The following PRKN variants were observed in gnomAD, a reference collection of about 807,000 sequenced individuals.
PRKN encodes the protein parkin RBR E3 ubiquitin protein ligase.
Under a neutral mutation model 59.5 loss-of-function variants are expected in PRKN, and 56 were observed. The ratio of observed to expected loss-of-function variants is 0.94; its 90% CI spans 0.76 to 1.18. The LOEUF (loss-of-function observed/expected upper bound fraction) is 1.18, where lower values mean the gene tolerates loss of function less well. Ranked by LOEUF, PRKN falls within the 50% of genes most tolerant of loss-of-function variation. PRKN has a pLI of 0.00. For synonymous variants in PRKN, 250 were observed against 222.1 expected, an observed-to-expected ratio of 1.13 and a Z score of -1.12; for missense variants, 657 against 596.4, an observed-to-expected ratio of 1.10 and a Z score of -1.06.
intron 1 of PRKN, among the ~76,000 whole-genome samples, chr6:162,477,839 T>C (rs1354035352): frequency 6.6e-6 from 1 of 152,130 alleles, no homozygotes; most frequent in Non-Finnish European, 1.5e-5. Flanking sequence ...TTGTGGAAGG[T>C]CCATTCAAAT....
intron 5 of PRKN, 78 bp downstream of exon 5, chr6:162,054,013 G>C (rs1469777041): frequency 1.1e-6 from 1 of 937,464 alleles, no homozygotes; most frequent in Non-Finnish European, 1.8e-6. Flanking sequence ...TTGACATTTT[G>C]TCTCTAATTT....
At chr6:162,160,487 G>A (rs1019697416) in intron 4 of PRKN, among the ~76,000 whole-genome samples, 2 of 152,114 alleles carry the variant, frequency 1.3e-5, no homozygotes, top group African/African-American at 4.8e-5. Flanking sequence ...AGCAGTGATA[G>A]TTTCACAGGT....
intron 9 of PRKN, among the ~76,000 whole-genome samples, chr6:161,540,840 G>A (rs986622702): frequency 6.6e-6 from 1 of 152,108 alleles, no homozygotes; most frequent in Non-Finnish European, 1.5e-5. Context: ...GGCTTACCTG[G>A]TGCCTCCAAC....
At chr6:161,782,447 G>T (rs1790245751) in intron 7 of PRKN, among the ~76,000 whole-genome samples, 1 of 152,078 alleles carries the variant, frequency 6.6e-6, no homozygotes, top group Admixed American at 6.5e-5. Flanking sequence ...GAGAGAAAAG[G>T]AATATTATTT....
chr6:162,687,347 G>A (rs570746025), intron 1 of PRKN, among the ~76,000 whole-genome samples: 14 of 151,818 alleles, frequency 9.2e-5, no homozygotes, highest in Admixed American at 2.6e-4. Context: ...CACCACACCC[G>A]GCTAATTTTT....
chr6:162,363,746 A>G (rs1390746189), intron 2 of PRKN, among the ~76,000 whole-genome samples: 1 of 152,186 alleles, frequency 6.6e-6, no homozygotes, highest in East Asian at 1.9e-4. Flanking sequence ...ATTACAACTC[A>G]CTGGGAGATA....
Position 161,853,685 on chromosome 6 carries a change from G to A in PRKN, c.735-67777C>T, listed in dbSNP as rs183708119. ...AATTCCTTTGGAAATTAAAGTCCTCGTTGCTTTACAAACATCATTTCATTA... is the reference window on the plus strand; with the variant it reads ...AATTCCTTTGGAAATTAAAGTCCTCATTGCTTTACAAACATCATTTCATTA... On this transcript the variant is annotated intron_variant, in intron 6 of 11. Coordinates refer to ENST00000366898, the MANE Select transcript of PRKN (RefSeq NM_004562.3). 7.3e-4 allele frequency among the ~76,000 whole-genome samples: 111 copies of A among 152,180 alleles called. 1 individual carries two copies. Among genetic ancestry groups the A allele is most frequent in the African/African-American group, 2.5e-3 (105 of 41,526 alleles).
rs889201059 is a variant in PRKN, at chr6:161,637,539, T to G, written c.872-68123A>C. ...AACAAAGCCCAGCTTACTGCTCCCTTGGAGGCTGCAGCACGACCTGCCTTT... is the reference window on the plus strand; with the variant it reads ...AACAAAGCCCAGCTTACTGCTCCCTGGGAGGCTGCAGCACGACCTGCCTTT... On this transcript the variant is annotated intron_variant, in intron 7 of 11. Transcript: ENST00000366898. 1.3e-4 allele frequency among the ~76,000 whole-genome samples: 20 copies of G among 152,262 alleles called. 1 individual carries two copies. The highest frequency in any genetic ancestry group is 2.1e-4 in the South Asian group (1 of 4,824).
intron 4 of PRKN, among the ~76,000 whole-genome samples, chr6:162,054,877 T>C (rs1425234019): frequency 1.3e-5 from 2 of 152,082 alleles, no homozygotes; most frequent in African/African-American, 4.8e-5. Flanking sequence ...TTTTAAGAAA[T>C]CGGGCTGTGC....
At chr6:161,654,684 C>T (rs17576062) in intron 7 of PRKN, among the ~76,000 whole-genome samples, 76,755 of 152,092 alleles carry the variant, frequency 0.5, 22,105 homozygotes, top group African/African-American at 0.8. Context: ...GCACCTCCCA[C>T]GTGTGTATCT....
intron 2 of PRKN, among the ~76,000 whole-genome samples, chr6:162,307,941 T>A (rs1007455323): frequency 8.5e-5 from 13 of 152,344 alleles, no homozygotes; most frequent in African/African-American, 2.9e-4. Context: ...TCAAGATGTT[T>A]TGAAATATTT....
intron 7 of PRKN, among the ~76,000 whole-genome samples, chr6:161,705,802 C>T (rs1374472471): frequency 6.6e-6 from 1 of 152,162 alleles, no homozygotes; most frequent in Non-Finnish European, 1.5e-5. Context: ...TGTCCATTCT[C>T]ATTCTCTGCA....
Position 161,462,301 on chromosome 6 carries a change from C to T in PRKN, c.1084-75424G>A, listed in dbSNP as rs985304965. On this transcript the variant is annotated intron_variant, in intron 9 of 11. Coordinates refer to ENST00000366898, the MANE Select transcript of PRKN (RefSeq NM_004562.3). The surrounding 1 kb of genome is among the most constrained non-coding windows in gnomAD (Gnocchi z 4.5). ...GACAGCATGCTTTTATTCTGAATCA[C>T]CTGAACTTCCAGCTATCTGTGGTTT... 3.3e-5 allele frequency among the ~76,000 whole-genome samples: 5 copies of T among 152,182 alleles called. No homozygotes were observed. The highest frequency in any genetic ancestry group is 9.7e-5 in the African/African-American group (4 of 41,446).
At chr6:161,946,414 A>ACACACACTCTCTCTCTCTCTCTCTCT (rs1247187053) in intron 6 of PRKN, among the ~76,000 whole-genome samples, 1 of 114,376 alleles carries the variant, frequency 8.7e-6, no homozygotes, top group African/African-American at 3.7e-5. Context: ...ACACACACAC[A>ACACACACTCTCTCTCTCTCTCTCTCT]CTCTCTCTCT....
intron 7 of PRKN, among the ~76,000 whole-genome samples, chr6:161,586,728 T>G (rs1473958155): frequency 6.6e-6 from 1 of 152,228 alleles, no homozygotes; most frequent in Non-Finnish European, 1.5e-5. Context: ...TTCCTCATTA[T>G]GTTTTATAAC....
At chr6:162,381,166 C>G (rs1005489637) in intron 2 of PRKN, among the ~76,000 whole-genome samples, 42 of 152,288 alleles carry the variant, frequency 2.8e-4, no homozygotes, top group African/African-American at 8.9e-4. Flanking sequence ...GCTCAAAAGA[C>G]AGTGTCTGGG....
chr6:161,979,473 C>A (rs1419258009), intron 5 of PRKN, among the ~76,000 whole-genome samples: 1 of 152,048 alleles, frequency 6.6e-6, no homozygotes, highest in Non-Finnish European at 1.5e-5. Flanking sequence ...GAAGTTTTAC[C>A]ATGTTGGCCA....
chr6:161,712,575 T>C (rs1392790128), intron 7 of PRKN, among the ~76,000 whole-genome samples: 1 of 152,226 alleles, frequency 6.6e-6, no homozygotes, highest in Non-Finnish European at 1.5e-5. Context: ...GCACTAATTC[T>C]AAAATTTGTT....
intron 4 of PRKN, among the ~76,000 whole-genome samples, chr6:162,088,627 C>T (rs994555959): frequency 2.0e-5 from 3 of 151,950 alleles, no homozygotes; most frequent in Non-Finnish European, 4.4e-5. Context: ...TTACACGAAA[C>T]GGGTAAATTC....
Sources: gnomAD v4.1 joint callset for allele counts (sites outside exome capture counted in the v4.1 genomes callset) on GRCh38, gnomAD v4.1.1 for gene constraint, Gnocchi (gnomAD v3.1) non-coding constraint, MANE v1.5 for transcripts, NCBI Gene and HGNC (gene_info 2026-07-23, HGNC 2026-07-21) for gene names.